Variants in PTPRD observed in about 807,000 individuals in gnomAD.
PTPRD encodes the protein receptor-type tyrosine-protein phosphatase delta.
In PTPRD, 34 loss-of-function variants were observed where a neutral mutation model predicts 214.5. That is an observed-to-expected ratio of 0.16 (90% CI 0.12 to 0.21). The LOEUF (loss-of-function observed/expected upper bound fraction) is 0.21, where lower values mean the gene tolerates loss of function less well. Ranked by LOEUF, PTPRD falls within the 10% of genes least tolerant of loss-of-function variation. The pLI, the probability that PTPRD is intolerant of heterozygous loss-of-function variation, is 1.00. For synonymous variants in PTPRD, 1,128 were observed against 845.7 expected, an observed-to-expected ratio of 1.33 and a Z score of -5.79; for missense variants, 2,545 against 2,398.7, an observed-to-expected ratio of 1.06 and a Z score of -1.27.
intron 11 of PTPRD, among the ~76,000 whole-genome samples, chr9:9,016,729 T>G (rs912028457): frequency 2.0e-5 from 3 of 152,098 alleles, no homozygotes; most frequent in Admixed American, 6.6e-5. Flanking sequence ...GCAAAGTCAT[T>G]TGGGTGGCTT....
intron 10 of PTPRD, among the ~76,000 whole-genome samples, chr9:9,058,669 T>C (rs2154399629): frequency 6.6e-6 from 1 of 151,444 alleles, no homozygotes; most frequent in South Asian, 2.1e-4. Flanking sequence ...CAGGATGGTC[T>C]CGATCTCCTG....
chr9:10,080,015 G>C (rs1392995024), intron 3 of PTPRD, among the ~76,000 whole-genome samples: 1 of 150,710 alleles, frequency 6.6e-6, no homozygotes, highest in East Asian at 2.0e-4. Context: ...GAATAAACAA[G>C]GAATTTTGTA....
chr9:9,003,144 G>A (rs903020948), intron 11 of PTPRD, among the ~76,000 whole-genome samples: 14 of 151,978 alleles, frequency 9.2e-5, no homozygotes, highest in African/African-American at 3.1e-4. Flanking sequence ...TTATTGAAAG[G>A]TTTATTTTAT....
At chr9:9,947,575 TTATATATATATTATATATATAA>T (rs1566624460) in intron 4 of PTPRD, among the ~76,000 whole-genome samples, 39 of 41,982 alleles carry the variant, frequency 9.3e-4, no homozygotes, top group African/African-American at 4.3e-3. Context: ...TATATATATA[TTATATATATATTATATATATAA>T]TATATATATT....
chr9:10,464,704 A>T (rs1200393332), intron 2 of PTPRD, among the ~76,000 whole-genome samples: 2 of 151,776 alleles, frequency 1.3e-5, no homozygotes, highest in Admixed American at 6.6e-5. Context: ...TTAACTTTTT[A>T]AATATTTTTT....
At chr9:9,142,389 C>T (rs2099862026) in intron 10 of PTPRD, among the ~76,000 whole-genome samples, 1 of 152,156 alleles carries the variant, frequency 6.6e-6, no homozygotes, top group African/African-American at 2.4e-5. Context: ...GAGTTTTATT[C>T]TTACAAATAT....
At chr9:10,036,319 G>A (rs570462122) in intron 3 of PTPRD, among the ~76,000 whole-genome samples, 80 of 151,998 alleles carry the variant, frequency 5.3e-4, no homozygotes, top group African/African-American at 1.8e-3. Flanking sequence ...TGTGTTACCC[G>A]CATGCTTAAT....
At chr9:8,827,623 T>A (rs924647439) in intron 11 of PTPRD, among the ~76,000 whole-genome samples, 3 of 152,036 alleles carry the variant, frequency 2.0e-5, no homozygotes, top group Non-Finnish European at 4.4e-5. Context: ...ACAAAAAAAA[T>A]TAGGTTTTTG....
rs750349056 is a variant in PTPRD at position 8,507,321 on chromosome 9, C to T, written c.1657G>A (p.Asp553Asn). Residue 553 changes from aspartate (D) to asparagine (N), a missense_variant, in exon 22 of 46, where the codon GAT becomes AAT. Transcript: ENST00000381196. ...CTTACCTCCTCTCCATGCTCCCCAT[C>T]TTTGTAGACCAGTTCATAGTTGGCA... ...TIANYELVYK[D>N]GEHGEEQRIT... The T allele has an allele frequency of 1.2e-6, 2 of 1,613,802 alleles. No individual in the cohort carries two copies. Among genetic ancestry groups the T allele is most frequent in the Admixed American group, 1.7e-5 (1 of 59,992 alleles).
intron 10 of PTPRD, among the ~76,000 whole-genome samples, chr9:9,172,221 G>C (rs2099921902): frequency 6.6e-6 from 1 of 152,052 alleles, no homozygotes; most frequent in Non-Finnish European, 1.5e-5. Context: ...AACACAAAAT[G>C]AGTGCTGCAT....
At chr9:8,447,187 T>C (rs2095764136) in intron 34 of PTPRD, among the ~76,000 whole-genome samples, 1 of 152,244 alleles carries the variant, frequency 6.6e-6, no homozygotes, top group Non-Finnish European at 1.5e-5. Context: ...TCTCCTTTTC[T>C]AGTCTCCTCC....
At chr9:9,685,700 T>C (rs1474596298) in intron 7 of PTPRD, among the ~76,000 whole-genome samples, 4 of 151,194 alleles carry the variant, frequency 2.6e-5, no homozygotes, top group Non-Finnish European at 5.9e-5. Context: ...TAAGTCACCA[T>C]TACCCAGAAA....
chr9:10,525,407 A>G, intron 2 of PTPRD, among the ~76,000 whole-genome samples: 1 of 152,022 alleles, frequency 6.6e-6, no homozygotes, highest in East Asian at 1.9e-4. Flanking sequence ...TACTTTTTCT[A>G]TACCAAGCCA....
chr9:9,099,778 C>G, intron 10 of PTPRD, among the ~76,000 whole-genome samples: 1 of 152,066 alleles, frequency 6.6e-6, no homozygotes, highest in East Asian at 1.9e-4. Flanking sequence ...AACCAGACAC[C>G]AATTATCACC....
At chr9:9,673,980 T>G (rs758265550) in intron 7 of PTPRD, among the ~76,000 whole-genome samples, 2 of 151,750 alleles carry the variant, frequency 1.3e-5, no homozygotes, top group Non-Finnish European at 3.0e-5. Flanking sequence ...CATTTACAGA[T>G]AAGCAAACAG....
At chr9:8,733,316 G>T (rs2098680333) in intron 12 of PTPRD, among the ~76,000 whole-genome samples, 1 of 152,038 alleles carries the variant, frequency 6.6e-6, no homozygotes, top group African/African-American at 2.4e-5. Context: ...CAGTACATTA[G>T]AACAGCTGCT....
chr9:10,479,271 T>C (rs529173704), intron 2 of PTPRD, among the ~76,000 whole-genome samples: 32 of 152,254 alleles, frequency 2.1e-4, no homozygotes, highest in African/African-American at 7.5e-4. Context: ...AAACTAACCT[T>C]AGAGGTACTT....
At chr9:9,591,584 C>T (rs1468070316) in intron 7 of PTPRD, among the ~76,000 whole-genome samples, 5 of 151,920 alleles carry the variant, frequency 3.3e-5, no homozygotes, top group African/African-American at 4.8e-5. Context: ...AGTATAATGG[C>T]GGCAACTTAA....
chr9:9,993,912 C>T (rs961315298), intron 4 of PTPRD, among the ~76,000 whole-genome samples: 2 of 152,094 alleles, frequency 1.3e-5, no homozygotes, highest in East Asian at 3.9e-4. Context: ...AAACTTAGAG[C>T]TAGATGTATA....
Sources: gnomAD v4.1 joint callset for allele counts (sites outside exome capture counted in the v4.1 genomes callset) on GRCh38, gnomAD v4.1.1 for gene constraint, MANE v1.5 for transcripts, NCBI Gene and HGNC (gene_info 2026-07-23, HGNC 2026-07-21) for gene names.